The following TMEM40 variants were observed in gnomAD, a reference collection of about 807,000 sequenced individuals.
TMEM40 encodes transmembrane protein 40.
A neutral mutation model predicts 40.8 loss-of-function variants in TMEM40; 34 were observed. The ratio of observed to expected loss-of-function variants is 0.83; its 90% CI spans 0.63 to 1.11. The LOEUF (loss-of-function observed/expected upper bound fraction) is 1.11. Ranked by LOEUF, TMEM40 falls within the 50% of genes least tolerant of loss-of-function variation. The probability of loss-of-function intolerance (pLI) is 0.00; values close to 1 mark genes in which losing one functional copy is unlikely to be tolerated. For missense variants in TMEM40, 296 were observed against 280.2 expected (o/e 1.06, Z -0.40); for synonymous variants, 106 against 107.0 (o/e 0.99, Z 0.06).
exon 1 of TMEM40, chr3:12,769,411 G>A (rs1319363092): frequency 1.1e-5 from 2 of 185,842 alleles, no homozygotes; most frequent in South Asian, 5.7e-5. Flanking sequence ...CTGCCAACAC[G>A]CTGTCACCTC....
rs375433840 is a variant in TMEM40 at position 12,735,552 on chromosome 3, T to C, written c.682+3A>G. ...GTGAACACAGGAAGACTTTAAAAGT[T>C]ACCTGTCAGCCTAAACTTCTGGAAG... On this transcript the variant is annotated splice_donor_region_variant and intron_variant, in intron 11 of 11. Coordinates refer to ENST00000314124, the MANE Select transcript of TMEM40 (RefSeq NM_018306.4). 2 of 1,613,654 alleles carry C rather than the reference T, an allele frequency of 1.2e-6. No individual in the cohort carries two copies. The highest frequency in any genetic ancestry group is 1.7e-6 in the Non-Finnish European group (2 of 1,179,754).
chr3:12,764,894 C>T (rs543375594), intron 1 of TMEM40, among the ~76,000 whole-genome samples: 1 of 151,896 alleles, frequency 6.6e-6, no homozygotes, highest in Non-Finnish European at 1.5e-5. Context: ...TTTTTTGAGA[C>T]AGAGTCTCAC....
chr3:12,758,964 T>C (rs2061550090), intron 1 of TMEM40, among the ~76,000 whole-genome samples: 1 of 152,088 alleles, frequency 6.6e-6, no homozygotes, highest in Admixed American at 6.6e-5. Context: ...CATGGCCAAG[T>C]ATAGGCGGGT....
chr3:12,737,539 C>T, intron 8 of TMEM40, 168 bp downstream of exon 8: 1 of 663,622 alleles, frequency 1.5e-6, no homozygotes, highest in Admixed American at 2.8e-5. Context: ...AAAATGGGAA[C>T]CATTGTCCCA....
Position 12,736,767 on chromosome 3 carries a change from C to T in TMEM40, c.541G>A (p.Ala181Thr), listed in dbSNP as rs760847101. ...TCCCCAGGGCACCTCCCCTCACCTG[C>T]GTAATAGTGATAACACACCAGCAAG... ...GALLVCYHYY[A>T]DWFMSLGVGL... The change falls in exon 9 of 12, where the codon GCA becomes ACA. Residue 181 changes from alanine (A) to threonine (T), a missense_variant. Transcript: ENST00000314124. 18 of 1,614,078 alleles carry T rather than the reference C, an allele frequency of 1.1e-5. No individual in the cohort carries two copies. Among genetic ancestry groups the T allele is most frequent in the Middle Eastern group, 1.6e-4 (1 of 6,062 alleles).
chr3:12,741,903 T>C (rs571580821), intron 5 of TMEM40, among the ~76,000 whole-genome samples: 150 of 152,112 alleles, frequency 9.9e-4, no homozygotes, highest in Middle Eastern at 3.4e-3. Flanking sequence ...GAGACCAGCC[T>C]GGGCAACATG....
chr3:12,763,052 C>A (rs527932818), upstream of TMEM40, among the ~76,000 whole-genome samples: 3 of 144,430 alleles, frequency 2.1e-5, no homozygotes, highest in African/African-American at 8.0e-5. Context: ...CCCAGCTACT[C>A]GGGAGGCTGA....
At chr3:12,745,921 G>A (rs189605560) in intron 3 of TMEM40, among the ~76,000 whole-genome samples, 6 of 148,082 alleles carry the variant, frequency 4.1e-5, no homozygotes, top group Admixed American at 1.4e-4. Context: ...TTTTTGAAAC[G>A]GAGTCTCACT....
At chr3:12,749,087 C>T (rs1243062770) in intron 2 of TMEM40, among the ~76,000 whole-genome samples, 1 of 151,842 alleles carries the variant, frequency 6.6e-6, no homozygotes, top group Non-Finnish European at 1.5e-5. Flanking sequence ...TGCAGTGACG[C>T]TATCTCGGCT....
intron 3 of TMEM40, 48 bp from the exon 4 acceptor site, chr3:12,744,037 G>T (rs2061407274): frequency 7.0e-6 from 11 of 1,571,190 alleles, no homozygotes; most frequent in Non-Finnish European, 9.6e-6. Flanking sequence ...CCTGGAACAA[G>T]CTGGGAATGC....
chr3:12,764,915 A>G (rs1256811864), intron 1 of TMEM40, among the ~76,000 whole-genome samples: 4 of 152,100 alleles, frequency 2.6e-5, no homozygotes, highest in Non-Finnish European at 5.9e-5. Context: ...TCTATTGCCC[A>G]GGGTGGAGTG....
In TMEM40 at chr3:12,738,572, C is replaced by A; in HGVS notation, c.372G>T (p.Val124=). ...LQLYGDAPGE[V]VPSGESGLRR... is the part of the protein sequence containing the mutation. ...ACTCACCTGATTCCCCAGAGGGTAC[C>A]ACCTCTCCAGGAGCATCTGCACAGA... The change falls in exon 6 of 12, where the codon GTG becomes GTT. Residue 124 remains valine (V), a synonymous_variant. Transcript: ENST00000314124. 6.2e-7 allele frequency: 1 copy of A among 1,614,094 alleles called. No homozygotes were observed. Among genetic ancestry groups the A allele is most frequent in the Non-Finnish European group, 8.5e-7 (1 of 1,180,014 alleles).
intron 3 of TMEM40, among the ~76,000 whole-genome samples, chr3:12,744,583 C>T (rs1401699255): frequency 6.6e-6 from 1 of 152,210 alleles, no homozygotes; most frequent in East Asian, 1.9e-4. Flanking sequence ...CCAACCATTT[C>T]ATCTCCTGAA....
intron 2 of TMEM40, among the ~76,000 whole-genome samples, chr3:12,749,303 C>T (rs2061454853): frequency 6.6e-6 from 1 of 152,170 alleles, no homozygotes; most frequent in African/African-American, 2.4e-5. Flanking sequence ...GGATTACAGG[C>T]GTGAGCCGCC....
At chr3:12,756,650 A>C (rs1051695438) in intron 1 of TMEM40, among the ~76,000 whole-genome samples, 4 of 152,284 alleles carry the variant, frequency 2.6e-5, no homozygotes, top group African/African-American at 9.6e-5. Flanking sequence ...GTGTTGAGTC[A>C]AACACCAAAG....
At chr3:12,765,190 G>A (rs555210858) in intron 1 of TMEM40, among the ~76,000 whole-genome samples, 3 of 152,326 alleles carry the variant, frequency 2.0e-5, no homozygotes, top group South Asian at 4.1e-4. Context: ...TAAAGAGGGA[G>A]TAGAGGAAAA....
chr3:12,739,430 G>A (rs1350474420), intron 5 of TMEM40, among the ~76,000 whole-genome samples: 19 of 151,838 alleles, frequency 1.3e-4, no homozygotes, highest in Admixed American at 7.9e-4. Context: ...GACTACAGGC[G>A]CCCGCCACCA....
At chr3:12,735,405 G>A (rs2061330123) in intron 11 of TMEM40, 150 bp downstream of exon 11, 5 of 738,518 alleles carry the variant, frequency 6.8e-6, no homozygotes, top group Non-Finnish European at 4.7e-6. Context: ...GCTCATCCAG[G>A]GTCACAGAGC....
At chr3:12,756,197 T>C (rs2061525794) in intron 1 of TMEM40, among the ~76,000 whole-genome samples, 1 of 152,132 alleles carries the variant, frequency 6.6e-6, no homozygotes, top group East Asian at 1.9e-4. Flanking sequence ...TTTGAGTTCC[T>C]GAAATAATAA....
Sources: gnomAD v4.1 joint callset for allele counts (sites outside exome capture counted in the v4.1 genomes callset) on GRCh38, gnomAD v4.1.1 for gene constraint, MANE v1.5 for transcripts, NCBI Gene and HGNC (gene_info 2026-07-23, HGNC 2026-07-21) for gene names.